Variants in CUX2 observed in about 807,000 individuals in gnomAD.
CUX2 encodes the protein cut like homeobox 2, also known as homeobox protein cut-like 2.
Under a neutral mutation model 144.8 loss-of-function variants are expected in CUX2, and 40 were observed. The observed-to-expected ratio is 0.28, with a 90% CI of 0.21 to 0.36. The LOEUF (loss-of-function observed/expected upper bound fraction) is 0.36, where lower values mean the gene tolerates loss of function less well. CUX2 is among the 10% of genes least tolerant of loss of function. The pLI, the probability that CUX2 is intolerant of heterozygous loss-of-function variation, is 1.00. For missense variants in CUX2, 1,615 were observed against 1,994.0 expected, an observed-to-expected ratio of 0.81 and a Z score of 3.62; for synonymous variants, 827 against 875.6, an observed-to-expected ratio of 0.94 and a Z score of 0.98.
intron 1 of CUX2, among the ~76,000 whole-genome samples, chr12:111,091,121 T>C (rs1872529100): frequency 1.3e-5 from 2 of 152,192 alleles, no homozygotes; most frequent in Non-Finnish European, 2.9e-5. Context: ...CACATCCGTG[T>C]GCACATCCAT....
At chr12:111,269,237 T>A (rs767327542) in intron 4 of CUX2, among the ~76,000 whole-genome samples, 6 of 152,210 alleles carry the variant, frequency 3.9e-5, no homozygotes, top group Non-Finnish European at 7.3e-5. Context: ...GACTAAATCA[T>A]ACTAAATTCG....
intron 6 of CUX2, among the ~76,000 whole-genome samples, chr12:111,294,803 C>T (rs769294753): frequency 8.0e-5 from 12 of 150,922 alleles, no homozygotes; most frequent in Non-Finnish European, 1.5e-4. Flanking sequence ...GAGGTTTAGG[C>T]GGGAGAATTG....
At chr12:111,288,203 G>C (rs2136325781) in intron 4 of CUX2, among the ~76,000 whole-genome samples, 1 of 152,202 alleles carries the variant, frequency 6.6e-6, no homozygotes, top group South Asian at 2.1e-4. Flanking sequence ...TCCTGGCAAA[G>C]GTTCTCGTGC....
intron 3 of CUX2, among the ~76,000 whole-genome samples, chr12:111,238,717 TAC>T (rs111368535): frequency 6.6e-6 from 1 of 151,878 alleles, no homozygotes; most frequent in Non-Finnish European, 1.5e-5. Flanking sequence ...TACATCCACA[TAC>T]ACACACACAC....
chr12:111,342,241 G>A (rs989063643), intron 21 of CUX2, among the ~76,000 whole-genome samples, 188 bp downstream of exon 21: 1 of 152,114 alleles, frequency 6.6e-6, no homozygotes, highest in African/African-American at 2.4e-5. Flanking sequence ...ACTTTGGGAG[G>A]CCAAGGTGGG....
At chr12:111,344,578 A>G (rs1888715584) in intron 21 of CUX2, among the ~76,000 whole-genome samples, 1 of 152,200 alleles carries the variant, frequency 6.6e-6, no homozygotes, top group Non-Finnish European at 1.5e-5. Context: ...AAACAAGACA[A>G]AGTCCCTCCC....
In CUX2 at chr12:111,255,197, C is replaced by G. The variant is rs1055359445; in HGVS notation, c.223-8564C>G. The stretch of plus-strand genomic sequence containing the variant: ...TGAAACAGGCTAGGATGGGGCCTCT[C>G]TGGGACCCCTGGGTGACCCTCCAGA... On this transcript the variant is annotated intron_variant, in intron 3 of 21. Transcript: ENST00000261726. This position sits in a 1 kb window ranked among gnomAD's most constrained non-coding sequence, Gnocchi z 4.1. 1.3e-5 allele frequency among the ~76,000 whole-genome samples: 2 copies of G among 152,202 alleles called. No individual in the cohort carries two copies. Among genetic ancestry groups the G allele is most frequent in the African/African-American group, 4.8e-5 (2 of 41,450 alleles).
At chr12:111,094,642 C>T (rs934650687) in intron 1 of CUX2, among the ~76,000 whole-genome samples, 16 of 152,160 alleles carry the variant, frequency 1.1e-4, no homozygotes, top group African/African-American at 2.9e-4. Context: ...GGACTACAGG[C>T]GTGTGCCACC....
In CUX2 at chr12:111,306,804, A is replaced by G. The variant is rs1886606982; in HGVS notation, c.859-117A>G. The G allele has an allele frequency of 1.3e-5, 10 of 789,582 alleles. No individual in the cohort carries two copies. In the South Asian group the frequency reaches 1.7e-4, roughly 14 times the overall value. The allele number at this position is 789,582 out of a possible 1,614,324, so 48.9% of individuals were successfully genotyped here. ...GAATTTTTCAACACAAGCACACCCC[A>G]TACCATCATCCAGATCAACAAATTT... On this transcript the variant is annotated intron_variant, in intron 10 of 21. Coordinates refer to ENST00000261726, the MANE Select transcript of CUX2 (RefSeq NM_015267.4).
intron 16 of CUX2, among the ~76,000 whole-genome samples, chr12:111,315,679 A>C (rs1335658406): frequency 6.6e-6 from 1 of 152,092 alleles, no homozygotes; most frequent in Non-Finnish European, 1.5e-5. Context: ...AGATCGCGCC[A>C]TTGCACTCCA....
At chr12:111,205,544 A>G (rs1880870466) in intron 1 of CUX2, among the ~76,000 whole-genome samples, 1 of 152,198 alleles carries the variant, frequency 6.6e-6, no homozygotes, top group African/African-American at 2.4e-5. Context: ...CAAGAACTGT[A>G]TCACCCAGTC....
At position 111,330,710 on chromosome 12, in the gene CUX2, T is replaced by TACAC. The variant is rs1257830853; in HGVS notation, c.2927-3730_2927-3729insCACA. On this transcript the variant is annotated intron_variant, in intron 18 of 21. Transcript: ENST00000261726. ...ACATATATATATATATATATATATA[T>TACAC]ATATATATATATATATATATATATA... Among the ~76,000 whole-genome samples, 9 of 23,836 alleles carry TACAC rather than the reference T, an allele frequency of 3.8e-4. 1 individual carries two copies. The highest frequency in any genetic ancestry group is 1.6e-3 in the African/African-American group (9 of 5,642). The allele number at this position is 23,836 out of a possible 152,430, so 15.6% of individuals were successfully genotyped here.
At position 111,171,555 on chromosome 12, in the gene CUX2, T is replaced by C. The variant is rs1001629581; in HGVS notation, c.64-42645T>C. On this transcript the variant is annotated intron_variant, in intron 1 of 21. Transcript: ENST00000261726. The surrounding 1 kb of genome is among the most constrained non-coding windows in gnomAD (Gnocchi z 5.0). ...TGTCCCTGTGCACGCAGATGGCTAG[T>C]GGCTCAGTGGGTCTCCGGAGCACAG... is the stretch of plus-strand genomic sequence containing the variant. Among the ~76,000 whole-genome samples, 2 of 152,156 alleles carry C rather than the reference T, an allele frequency of 1.3e-5. No homozygotes were observed. The highest frequency in any genetic ancestry group is 4.8e-5 in the African/African-American group (2 of 41,434).
At chr12:111,046,102 C>G (rs1202460810) in intron 1 of CUX2, among the ~76,000 whole-genome samples, 1 of 152,196 alleles carries the variant, frequency 6.6e-6, no homozygotes, top group Non-Finnish European at 1.5e-5. Flanking sequence ...CCTGTAAGGA[C>G]AGGAATCTAA....
chr12:111,139,564 G>A (rs1184285291), intron 1 of CUX2, among the ~76,000 whole-genome samples: 10 of 152,114 alleles, frequency 6.6e-5, no homozygotes, highest in East Asian at 1.9e-4. Flanking sequence ...CTAAGGCAGC[G>A]GGCATTTCTG....
Position 111,077,917 on chromosome 12 carries a change from A to T in CUX2, c.63+43677A>T, listed in dbSNP as rs1157510892. Among the ~76,000 whole-genome samples the T allele has an allele frequency of 6.6e-6, 1 of 152,212 alleles. No individual in the cohort carries two copies. Among genetic ancestry groups the T allele is most frequent in the Non-Finnish European group, 1.5e-5 (1 of 68,026 alleles). On this transcript the variant is annotated intron_variant, in intron 1 of 21. Coordinates refer to ENST00000261726, the MANE Select transcript of CUX2 (RefSeq NM_015267.4). The surrounding 1 kb of genome is among the most constrained non-coding windows in gnomAD (Gnocchi z 4.1). ...TGATGGGAAAAGCATTTATTTGTCA[A>T]TGAAGAAATTTTTGCTTAATGTAAC...
At chr12:111,346,127 G>A (rs1366890405) in intron 21 of CUX2, among the ~76,000 whole-genome samples, 4 of 131,198 alleles carry the variant, frequency 3.0e-5, no homozygotes, top group Non-Finnish European at 4.8e-5. Flanking sequence ...AAAGTTACAC[G>A]AAAAAGAAAA....
At chr12:111,266,419 C>G (rs1050041667) in intron 4 of CUX2, among the ~76,000 whole-genome samples, 4 of 150,118 alleles carry the variant, frequency 2.7e-5, no homozygotes, top group African/African-American at 9.8e-5. Flanking sequence ...TGCAATGAGC[C>G]GAGATCACAA....
intron 4 of CUX2, among the ~76,000 whole-genome samples, chr12:111,271,895 A>G (rs1348053059): frequency 6.6e-6 from 1 of 152,138 alleles, no homozygotes; most frequent in Admixed American, 6.5e-5. Context: ...TACATGTTTC[A>G]TATATTCTCC....
Sources: allele counts gnomAD v4.1 joint callset (sites outside exome capture counted in the v4.1 genomes callset), GRCh38; gene constraint gnomAD v4.1.1; non-coding constraint Gnocchi (gnomAD v3.1); transcripts MANE v1.5; gene names NCBI Gene and HGNC (gene_info 2026-07-23, HGNC 2026-07-21).